TNPO2: variants seen among roughly 807,000 people sequenced by gnomAD.
TNPO2 encodes the protein transportin 2, also known as transportin-2.
Under a neutral mutation model 111.1 loss-of-function variants are expected in TNPO2, and 16 were observed. The ratio of observed to expected loss-of-function variants is 0.14; its 90% CI spans 0.10 to 0.22. TNPO2 has a LOEUF of 0.22. Ranked by LOEUF, TNPO2 falls within the 10% of genes least tolerant of loss-of-function variation. TNPO2 has a pLI of 1.00. For missense variants in TNPO2, 530 were observed against 1,173.7 expected (o/e 0.45, Z 8.01); for synonymous variants, 481 against 475.8 (o/e 1.01, Z -0.14).
chr19:12,712,346 T>C (rs1206748131), intron 10 of TNPO2, among the ~76,000 whole-genome samples: 1 of 152,166 alleles, frequency 6.6e-6, no homozygotes, highest in Non-Finnish European at 1.5e-5. Flanking sequence ...GAGTCTCCCT[T>C]TCCCCGGGGG....
At position 12,701,226 on chromosome 19, in the gene TNPO2, G is replaced by C; in HGVS notation, c.*38C>G. 7.7e-6 allele frequency: 6 copies of C among 780,616 alleles called. 1 individual carries two copies. In the South Asian group the frequency reaches 1.0e-4, roughly 14 times the overall value. The allele number at this position is 780,616 out of a possible 1,614,324, so 48.4% of individuals were successfully genotyped here. ...CGCACTCCCCAGTAATCCCTCCGAC[G>C]ACGACGCAGACAGAAACCTGCAGGG... On this transcript the variant is annotated 3_prime_UTR_variant, in exon 26 of 26. Transcript: ENST00000425528. The surrounding 1 kb of genome is among the most constrained non-coding windows in gnomAD (Gnocchi z 5.0).
In TNPO2 at chr19:12,719,019, C is replaced by T. The variant is rs1444684842; in HGVS notation, c.325+10G>A. 3 of 1,612,944 alleles carry T rather than the reference C, an allele frequency of 1.9e-6. No homozygotes were observed. The highest frequency in any genetic ancestry group is 1.3e-5 in the African/African-American group (1 of 74,912). On this transcript the variant is annotated intron_variant, in intron 5 of 25. Coordinates refer to ENST00000425528, the MANE Select transcript of TNPO2 (RefSeq NM_001382241.1). This position sits in a 1 kb window ranked among gnomAD's most constrained non-coding sequence, Gnocchi z 5.0. ...TGTCCTCAGAGGCCAACCCCCGCTG[C>T]CCCTCTCACCAATGGTGGCTCGGAT...
intron 5 of TNPO2, among the ~76,000 whole-genome samples, chr19:12,718,649 C>G (rs729767): frequency 0.12 from 18,819 of 152,198 alleles, 3,467 homozygotes; most frequent in African/African-American, 0.4. Flanking sequence ...TCAGAAAAGG[C>G]TCTGCTGAAA....
At position 12,714,690 on chromosome 19, in the gene TNPO2, A is replaced by G. The variant is rs546719255; in HGVS notation, c.890+131T>C. 300 of 728,726 alleles carry G rather than the reference A, an allele frequency of 4.1e-4. 1 individual carries two copies. Among genetic ancestry groups the G allele is most frequent in the Non-Finnish European group, 6.2e-4 (265 of 430,226 alleles). The allele number at this position is 728,726 out of a possible 1,614,324, so 45.1% of individuals were successfully genotyped here. A position where few individuals can be genotyped will look rare whatever the true frequency, so the allele number is the denominator to read the frequency against. ...AAAGTGGCATTCTTACCACTTACAC[A>G]TAAATATATACTGAATGTAAACTGA... On this transcript the variant is annotated intron_variant, in intron 10 of 25. Transcript: ENST00000425528.
In TNPO2 at chr19:12,715,002, C is replaced by T. The variant is rs1049538401; in HGVS notation, c.771+45G>A. 1 of 1,583,274 alleles carries T rather than the reference C, an allele frequency of 6.3e-7. No individual in the cohort carries two copies. ...GGGGGTGGCTCCCTGACCCCTGCCA[C>T]CGGCCCCCTGCCTGCCCGCCTGGGC... On this transcript the variant is annotated intron_variant, in intron 9 of 25. Transcript: ENST00000425528. The surrounding 1 kb of genome is among the most constrained non-coding windows in gnomAD (Gnocchi z 7.1).
chr19:12,719,573 G>A lies in TNPO2; in HGVS notation c.100-237C>T, dbSNP rs749663699. On this transcript the variant is annotated intron_variant, in intron 3 of 25. Transcript: ENST00000425528. The surrounding 1 kb of genome is among the most constrained non-coding windows in gnomAD (Gnocchi z 5.0). The stretch of plus-strand genomic sequence containing the variant: ...CACTTTTTGGGAGGTCAAGGCGGGT[G>A]GATCACAAGGTCAGGAGTTCGAGAC... 4.6e-5 allele frequency among the ~76,000 whole-genome samples: 7 copies of A among 152,130 alleles called. No individual in the cohort carries two copies. The highest frequency in any genetic ancestry group is 8.8e-5 in the Non-Finnish European group (6 of 68,028).
intron 13 of TNPO2, among the ~76,000 whole-genome samples, chr19:12,708,773 A>G (rs1312691189): frequency 6.6e-6 from 1 of 152,096 alleles, no homozygotes; most frequent in Non-Finnish European, 1.5e-5. Flanking sequence ...TGGGAGGCTG[A>G]GGCAGGAGAA....
Position 12,702,467 on chromosome 19 carries a change from T to C in TNPO2, c.2306-290A>G. 1 of 590,608 alleles carries C rather than the reference T, an allele frequency of 1.7e-6. No homozygotes were observed. Among genetic ancestry groups the C allele is most frequent in the Non-Finnish European group, 3.1e-6 (1 of 323,448 alleles). 36.6% of individuals were successfully genotyped at this position (590,608 alleles called of 1,614,324 possible). A position where few individuals can be genotyped will look rare whatever the true frequency, so the allele number is the denominator to read the frequency against. ...TGGAGTGCAGTGGCATGATCTTGGC[T>C]CATTGCAACCTGCCTCAGCCTCCCG... On this transcript the variant is annotated intron_variant, in intron 21 of 25. Coordinates refer to ENST00000425528, the MANE Select transcript of TNPO2 (RefSeq NM_001382241.1). This position sits in a 1 kb window ranked among gnomAD's most constrained non-coding sequence, Gnocchi z 5.5.
Position 12,719,267 on chromosome 19 carries a change from A to C in TNPO2, c.169T>G (p.Ser57Ala). 6.2e-7 allele frequency: 1 copy of C among 1,613,958 alleles called. No homozygotes were observed. The highest frequency in any genetic ancestry group is 2.2e-5 in the East Asian group (1 of 44,884). The change falls in exon 4 of 26, where the codon TCA becomes GCA. Residue 57 changes from serine (S) to alanine (A), a missense_variant. Coordinates refer to ENST00000425528, the MANE Select transcript of TNPO2 (RefSeq NM_001382241.1). The surrounding 1 kb of genome is among the most constrained non-coding windows in gnomAD (Gnocchi z 5.0). ...YLIFVLTRLK[S>A]EDEPTRSLSG... ...AAGGGAGCAGAGGGCGTACCTTCTGACTTGAGTCTGGTCAGGACGAAAATC... is the reference window on the plus strand; with the variant it reads ...AAGGGAGCAGAGGGCGTACCTTCTGCCTTGAGTCTGGTCAGGACGAAAATC...
Position 12,703,814 on chromosome 19 carries a change from G to A in TNPO2, c.2023-13C>T, listed in dbSNP as rs762726075. On this transcript the variant is annotated splice_polypyrimidine_tract_variant and intron_variant, in intron 18 of 25. Transcript: ENST00000425528. The stretch of plus-strand genomic sequence containing the variant: ...CAGGCATCGAGTCCTGGGGATTCAA[G>A]TAAGATCAGTGTGGCTAGGCTCCCC... 3.8e-6 allele frequency: 6 copies of A among 1,567,742 alleles called. No homozygotes were observed. The Admixed American group carries it at 1.1e-4, about 30-fold the overall frequency.
Position 12,711,334 on chromosome 19 carries a change from T to C in TNPO2, c.1079A>G (p.Asp360Gly). ...ERPDGSEDAE[D>G]DDDDDALSDW... ...GGACAGAGCATCATCATCATCGTCATCCTCCGCGTCCTCGGAGCCATCAGG... is the reference window on the plus strand; with the variant it reads ...GGACAGAGCATCATCATCATCGTCACCCTCCGCGTCCTCGGAGCCATCAGG... The change falls in exon 12 of 26, where the codon GAT (aspartate) becomes GGT (glycine). Residue 360 changes from aspartate to glycine, a missense_variant. Transcript: ENST00000425528. The C allele has an allele frequency of 1.2e-6, 2 of 1,613,974 alleles. No homozygotes were observed. The highest frequency in any genetic ancestry group is 1.1e-5 in the South Asian group (1 of 91,078).
Position 12,703,513 on chromosome 19 carries a change from G to A in TNPO2, c.2124C>T (p.Pro708=), listed in dbSNP as rs1421991824. The A allele has an allele frequency of 1.9e-6, 3 of 1,613,894 alleles. No homozygotes were observed. Among genetic ancestry groups the A allele is most frequent in the Admixed American group, 1.7e-5 (1 of 60,014 alleles). ...HVKPCIAEFM[P]ILGTNLNPEF... ...CTGGGTTCAGGTTGGTGCCCAGAAT[G>A]GGCATGAACTCGGCTGGTGGGGAGA... The change falls in exon 20 of 26, where the codon CCC becomes CCT. Residue 708 remains proline, a synonymous_variant. Coordinates refer to ENST00000425528, the MANE Select transcript of TNPO2 (RefSeq NM_001382241.1).
chr19:12,717,090 C>T (rs566670682), intron 5 of TNPO2, among the ~76,000 whole-genome samples: 181 of 151,974 alleles, frequency 1.2e-3, no homozygotes, highest in Non-Finnish European at 2.3e-3. Flanking sequence ...GGCAGTGTTT[C>T]CCAAGGGTGG....
intron 10 of TNPO2, among the ~76,000 whole-genome samples, chr19:12,714,359 C>A (rs1362025843): frequency 1.3e-5 from 2 of 149,926 alleles, no homozygotes; most frequent in South Asian, 2.1e-4. Context: ...GTCACCCAGG[C>A]TGGAGTGCAG....
At position 12,701,486 on chromosome 19, in the gene TNPO2, G is replaced by T; in HGVS notation, c.2587-33C>A. ...GAGGGTGGTGGTGAGGGGTAGGCAGGGGCAGAACAAGGGGAGTGCGCCTCT... is the reference window on the plus strand; with the variant it reads ...GAGGGTGGTGGTGAGGGGTAGGCAGTGGCAGAACAAGGGGAGTGCGCCTCT... On this transcript the variant is annotated intron_variant, in intron 24 of 25. Transcript: ENST00000425528. The surrounding 1 kb of genome is among the most constrained non-coding windows in gnomAD (Gnocchi z 5.0). 1 of 1,606,700 alleles carries T rather than the reference G, an allele frequency of 6.2e-7. No homozygotes were observed. The highest frequency in any genetic ancestry group is 8.5e-7 in the Non-Finnish European group (1 of 1,173,436).
intron 18 of TNPO2, among the ~76,000 whole-genome samples, chr19:12,704,189 A>G (rs572292715): frequency 3.8e-4 from 58 of 152,324 alleles, no homozygotes; most frequent in South Asian, 1.0e-3. Context: ...CAACATGGCA[A>G]AACCCTGTCT....
chr19:12,723,911 A>T lies in TNPO2; in HGVS notation c.-273T>A, dbSNP rs188638602. On this transcript the variant is annotated 5_prime_UTR_variant, in exon 1 of 26. Transcript: ENST00000425528. ...CCCTAAAGGAGCAGTTGGGATTCCGAGGTAGCCAGTTCCGCTGGACTGAAA... is the reference window on the plus strand; with the variant it reads ...CCCTAAAGGAGCAGTTGGGATTCCGTGGTAGCCAGTTCCGCTGGACTGAAA... 2.0e-5 allele frequency: 3 copies of T among 152,350 alleles called. No homozygotes were observed. Among genetic ancestry groups the T allele is most frequent in the Admixed American group, 1.3e-4 (2 of 15,302 alleles). 9.4% of individuals were successfully genotyped at this position (152,350 alleles called of 1,614,324 possible).
rs376129354 is a variant in TNPO2, at chr19:12,719,014, C to T, written c.325+15G>A. The T allele has an allele frequency of 9.3e-6, 15 of 1,612,618 alleles. No homozygotes were observed. The highest frequency in any genetic ancestry group is 2.7e-5 in the African/African-American group (2 of 74,900). On this transcript the variant is annotated intron_variant, in intron 5 of 25. Transcript: ENST00000425528. This position sits in a 1 kb window ranked among gnomAD's most constrained non-coding sequence, Gnocchi z 5.0. ...CAGTGTGTCCTCAGAGGCCAACCCCCGCTGCCCCTCTCACCAATGGTGGCT... is the reference window on the plus strand; with the variant it reads ...CAGTGTGTCCTCAGAGGCCAACCCCTGCTGCCCCTCTCACCAATGGTGGCT...
intron 13 of TNPO2, among the ~76,000 whole-genome samples, chr19:12,707,486 T>C (rs1420372964): frequency 1.8e-5 from 2 of 110,488 alleles, no homozygotes; most frequent in African/African-American, 3.5e-5. Context: ...TTTCTTTTTT[T>C]TTTTTTTTTT....
Sources: gnomAD v4.1 joint callset for allele counts (sites outside exome capture counted in the v4.1 genomes callset) on GRCh38, gnomAD v4.1.1 for gene constraint, Gnocchi (gnomAD v3.1) non-coding constraint, MANE v1.5 for transcripts, NCBI Gene and HGNC (gene_info 2026-07-23, HGNC 2026-07-21) for gene names.